The following GNB1L variants were observed in gnomAD, a reference collection of about 807,000 sequenced individuals.
GNB1L encodes the protein G protein subunit beta 1 like.
GNB1L carries 20 observed loss-of-function variants against 29.1 expected under a neutral mutation model. That is an observed-to-expected ratio of 0.69 (90% CI 0.48 to 1.00). The LOEUF is 1.00. GNB1L is among the 50% of genes least tolerant of loss of function. GNB1L has a pLI of 0.00. For missense variants in GNB1L, 421 were observed against 464.9 expected (o/e 0.91, Z 0.87); for synonymous variants, 193 against 206.5 (o/e 0.93, Z 0.56).
chr22:19,794,387 G>A (rs1020146654), intron 7 of GNB1L, among the ~76,000 whole-genome samples: 6 of 152,160 alleles, frequency 3.9e-5, no homozygotes, highest in Non-Finnish European at 5.9e-5. Flanking sequence ...TTTGTGAGGC[G>A]GGATGTAAAC....
chr22:19,844,587 G>A (rs1046770144), intron 2 of GNB1L, among the ~76,000 whole-genome samples: 11 of 152,324 alleles, frequency 7.2e-5, no homozygotes, highest in African/African-American at 2.2e-4. Flanking sequence ...AAATGCCAGC[G>A]TGAGGAGCCA....
rs555964920 is a variant in GNB1L at position 19,848,969 on chromosome 22, C to G, written c.-21+5474G>C. The G allele has an allele frequency of 8.9e-4, 880 of 985,570 alleles. 1 individual carries two copies. Among genetic ancestry groups the G allele is most frequent in the Non-Finnish European group, 1.0e-3 (852 of 830,078 alleles). 61.1% of individuals were successfully genotyped at this position (985,570 alleles called of 1,614,324 possible). ...TTCTACTGCCAGACCCACAGGTGAGCCAGGCCACAGTGCACTGGAGGTAGG... is the reference window on the plus strand; with the variant it reads ...TTCTACTGCCAGACCCACAGGTGAGGCAGGCCACAGTGCACTGGAGGTAGG... On this transcript the variant is annotated intron_variant, in intron 2 of 7. Coordinates refer to ENST00000329517, the MANE Select transcript of GNB1L (RefSeq NM_053004.3).
intron 2 of GNB1L, among the ~76,000 whole-genome samples, chr22:19,823,332 C>T (rs3788302): frequency 0.2 from 30,972 of 152,220 alleles, 3,297 homozygotes; most frequent in East Asian, 0.32. Flanking sequence ...CCAAGACCCA[C>T]GGCCCCTGCT....
In GNB1L at chr22:19,786,591, G is replaced by A. The variant is rs191797912; in HGVS notation, c.*2118C>T. The A allele has an allele frequency of 6.6e-6, 1 of 152,386 alleles. No individual in the cohort carries two copies. The highest frequency in any genetic ancestry group is 1.5e-5 in the Non-Finnish European group (1 of 68,064). 9.4% of individuals were successfully genotyped at this position (152,386 alleles called of 1,614,324 possible). A position where few individuals can be genotyped will look rare whatever the true frequency, so the allele number is the denominator to read the frequency against. On this transcript the variant is annotated 3_prime_UTR_variant, in exon 8 of 8. Coordinates refer to ENST00000329517, the MANE Select transcript of GNB1L (RefSeq NM_053004.3). ...TGACAGGGACATAAACAGGGGAAGGGGTAGAGGCCCAGAACCCTCAGGGTG... is the reference window on the plus strand; with the variant it reads ...TGACAGGGACATAAACAGGGGAAGGAGTAGAGGCCCAGAACCCTCAGGGTG...
At position 19,820,615 on chromosome 22, in the gene GNB1L, C is replaced by G. The variant is rs575033326; in HGVS notation, c.237G>C (p.Gln79His). 1.2e-6 allele frequency: 2 copies of G among 1,612,948 alleles called. No homozygotes were observed. Among genetic ancestry groups the G allele is most frequent in the East Asian group, 2.2e-5 (1 of 44,870 alleles). The change falls in exon 4 of 8, where the codon CAG becomes CAC. Residue 79 changes from glutamine (Q) to histidine (H), a missense_variant. Physicochemically the swap from Gln to His is conservative, Grantham distance 24. Transcript: ENST00000329517. Reference protein sequence around the residue: ...QCVTWLQTLPQGRQLLSQGRD... With the variant: ...QCVTWLQTLPHGRQLLSQGRD... ...AGACCCACCTGAGGAGCTGGCGCCC[C>G]TGGGGCAGCGTCTGCAGCCAGGTCA...
At chr22:19,806,873 T>A in intron 5 of GNB1L, 116 bp from the exon 6 acceptor site, 1 of 784,414 alleles carries the variant, frequency 1.3e-6, no homozygotes, top group Non-Finnish European at 2.2e-6. Context: ...TCTGCTCCCC[T>A]CCCCGTGGGC....
chr22:19,841,794 T>C (rs767022520), intron 2 of GNB1L, among the ~76,000 whole-genome samples: 1 of 152,218 alleles, frequency 6.6e-6, no homozygotes, highest in Non-Finnish European at 1.5e-5. Context: ...CTGATGACTT[T>C]TATGACCATC....
chr22:19,843,155 A>G (rs1451238395), intron 2 of GNB1L, among the ~76,000 whole-genome samples: 1 of 152,190 alleles, frequency 6.6e-6, no homozygotes, highest in Non-Finnish European at 1.5e-5. Flanking sequence ...GGATAAAGGT[A>G]GTTTGTTTCC....
At chr22:19,850,132 A>T (rs1269095974) in intron 2 of GNB1L, 1 of 985,398 alleles carries the variant, frequency 1.0e-6, no homozygotes, top group Non-Finnish European at 1.2e-6. Flanking sequence ...CCCTGCCAGA[A>T]ACCACAGCTG....
intron 2 of GNB1L, chr22:19,851,620 T>C: frequency 1.3e-6 from 2 of 1,594,794 alleles, no homozygotes; most frequent in Non-Finnish European, 8.6e-7. Flanking sequence ...TAGCTAAGTA[T>C]TGCCTCACCA....
At chr22:19,801,887 G>A (rs954792740) in intron 7 of GNB1L, 114 bp downstream of exon 7, 2 of 917,700 alleles carry the variant, frequency 2.2e-6, no homozygotes, top group Non-Finnish European at 3.2e-6. Context: ...GCCTCCAAGT[G>A]ATTAATTAGC....
At chr22:19,820,575 G>A (rs1569047090) in intron 4 of GNB1L, 23 bp downstream of exon 4, 1 of 1,603,338 alleles carries the variant, frequency 6.2e-7, no homozygotes. Context: ...GCCATACCTG[G>A]CTCCTGCACC....
chr22:19,810,564 C>T (rs757662550), intron 5 of GNB1L, among the ~76,000 whole-genome samples: 1 of 152,114 alleles, frequency 6.6e-6, no homozygotes, highest in Non-Finnish European at 1.5e-5. Context: ...GTCCTCAGCC[C>T]GGGGCTGCCC....
chr22:19,848,891 G>A, intron 2 of GNB1L: 2 of 985,452 alleles, frequency 2.0e-6, no homozygotes, highest in Non-Finnish European at 2.4e-6. Flanking sequence ...CTGTGGGACA[G>A]GGTAAAGGTC....
intron 2 of GNB1L, among the ~76,000 whole-genome samples, chr22:19,853,771 T>G (rs1464084326): frequency 3.9e-5 from 6 of 151,976 alleles, no homozygotes; most frequent in Non-Finnish European, 1.5e-5. Flanking sequence ...CTTCCCACCT[T>G]ACTGCAGGAT....
rs761333857 is a variant in GNB1L at position 19,788,691 on chromosome 22, G to A, written c.*18C>T. On this transcript the variant is annotated 3_prime_UTR_variant, in exon 8 of 8. Transcript: ENST00000329517. ...TCCCTGCCCGCCCTCCTCGTCTCCCGGGAAGGGAGTGGGTGAGTCATGCGC... is the reference window on the plus strand; with the variant it reads ...TCCCTGCCCGCCCTCCTCGTCTCCCAGGAAGGGAGTGGGTGAGTCATGCGC... 5.0e-6 allele frequency: 8 copies of A among 1,611,698 alleles called. No homozygotes were observed. The highest frequency in any genetic ancestry group is 1.1e-5 in the South Asian group (1 of 90,982).
At chr22:19,799,646 C>T (rs1255970044) in intron 7 of GNB1L, among the ~76,000 whole-genome samples, 1 of 152,238 alleles carries the variant, frequency 6.6e-6, no homozygotes, top group Non-Finnish European at 1.5e-5. Flanking sequence ...TCATCAGAGG[C>T]TTCGGCAGGA....
rs374399801 is a variant in GNB1L, at chr22:19,821,266, T to C, written c.90A>G (p.Glu30=). Residue 30 remains glutamate (E), a synonymous_variant, in exon 3 of 8, where the codon GAA becomes GAG. Transcript: ENST00000329517. ...GCGGGCGCCCCTGAGCCTGGGCTCC[T>C]TCGCAGAAGTGCAGCGCATGCACCG... ...QSPVHALHFC[E]GAQAQGRPLL... 3.8e-5 allele frequency: 61 copies of C among 1,613,072 alleles called. No individual in the cohort carries two copies. In the African/African-American group the frequency reaches 7.9e-4, roughly 21 times the overall value.
chr22:19,801,887 GATTA>G, intron 7 of GNB1L, 110 bp downstream of exon 7: 1 of 917,818 alleles, frequency 1.1e-6, no homozygotes, highest in Non-Finnish European at 1.6e-6. Context: ...GCCTCCAAGT[GATTA>G]ATTAGCCAGG....
Sources: gnomAD v4.1 joint callset for allele counts (sites outside exome capture counted in the v4.1 genomes callset) on GRCh38, gnomAD v4.1.1 for gene constraint, MANE v1.5 for transcripts, NCBI Gene and HGNC (gene_info 2026-07-23, HGNC 2026-07-21) for gene names.